Variants in ZFHX3 observed in about 807,000 individuals in gnomAD.
ZFHX3 encodes the protein zinc finger homeobox protein 3.
ZFHX3 carries 42 observed loss-of-function variants against 279.1 expected under a neutral mutation model. The observed-to-expected ratio is 0.15, with a 90% CI of 0.12 to 0.19. The LOEUF (loss-of-function observed/expected upper bound fraction) is 0.19. Ranked by LOEUF, ZFHX3 falls within the 10% of genes least tolerant of loss-of-function variation. The pLI is 1.00. For synonymous variants in ZFHX3, 2,293 were observed against 1,957.8 expected, an observed-to-expected ratio of 1.17 and a Z score of -4.52; for missense variants, 4,981 against 4,754.0, an observed-to-expected ratio of 1.05 and a Z score of -1.40.
rs577003787 is a variant in ZFHX3 at position 73,367,353 on chromosome 16, G to A, written c.-1290-49017C>T. Among the ~76,000 whole-genome samples the A allele has an allele frequency of 1.2e-3, 190 of 152,260 alleles. 1 individual carries two copies. Among genetic ancestry groups the A allele is most frequent in the African/African-American group, 4.3e-3 (180 of 41,562 alleles). The stretch of plus-strand genomic sequence containing the variant: ...ATATCAAGGTGGCACACTTCACAGC[G>A]TGGAGCAGGAAGAACAGTGTGCAAT... On this transcript the variant is annotated intron_variant, in intron 3 of 17. Coordinates refer to the ZFHX3 transcript ENST00000641206.
chr16:73,166,807 G>A (rs74645173), intron 5 of ZFHX3, among the ~76,000 whole-genome samples: 1 of 152,170 alleles, frequency 6.6e-6, no homozygotes, highest in Admixed American at 6.5e-5. Context: ...TTGTTATTAC[G>A]TTGCTTAAGT....
intron 3 of ZFHX3, among the ~76,000 whole-genome samples, chr16:73,440,918 T>C (rs2018081474): frequency 6.6e-6 from 1 of 152,228 alleles, no homozygotes. Flanking sequence ...AATAGATTCA[T>C]CTTTAGTCAC....
chr16:73,688,424 T>A (rs892172762), intron 1 of ZFHX3, among the ~76,000 whole-genome samples: 1 of 151,188 alleles, frequency 6.6e-6, no homozygotes, highest in African/African-American at 2.4e-5. Context: ...GGTGGAGCCA[T>A]TGAGAGGTGA....
At chr16:73,648,181 A>C (rs2052637952) in intron 2 of ZFHX3, among the ~76,000 whole-genome samples, 1 of 152,208 alleles carries the variant, frequency 6.6e-6, no homozygotes, top group African/African-American at 2.4e-5. Context: ...AATGTGCAGG[A>C]TATATCTATA....
At chr16:73,589,399 A>G (rs1364601069) in intron 2 of ZFHX3, among the ~76,000 whole-genome samples, 1 of 148,262 alleles carries the variant, frequency 6.7e-6, no homozygotes. Context: ...TCACACTACT[A>G]TACTCTAAAC....
At chr16:72,969,899 G>C (rs1219979377) in intron 1 of ZFHX3, among the ~76,000 whole-genome samples, 1 of 152,208 alleles carries the variant, frequency 6.6e-6, no homozygotes, top group East Asian at 1.9e-4. Flanking sequence ...TGCAAGTGTG[G>C]CCAGGTCGGA....
intron 1 of ZFHX3, among the ~76,000 whole-genome samples, chr16:72,969,141 C>T (rs1171793494): frequency 6.6e-6 from 1 of 152,102 alleles, no homozygotes; most frequent in Non-Finnish European, 1.5e-5. Flanking sequence ...CCCCCCAAAA[C>T]TATAAACGAA....
rs1393465163 is a variant in ZFHX3, at chr16:73,115,943, G to A, written c.-897+15025C>T. Among the ~76,000 whole-genome samples, 4 of 152,176 alleles carry A rather than the reference G, an allele frequency of 2.6e-5. No homozygotes were observed. In the East Asian group the frequency reaches 7.7e-4, roughly 29 times the overall value. On this transcript the variant is annotated intron_variant, in intron 7 of 17. Coordinates refer to the ZFHX3 transcript ENST00000641206. The stretch of plus-strand genomic sequence containing the variant: ...AGAACAGCCTGACCAACATCATGGA[G>A]AAACCCCGTCTCTGTTAAAATACAA...
chr16:73,551,436 G>GT (rs2020203297), intron 2 of ZFHX3, among the ~76,000 whole-genome samples: 1 of 152,132 alleles, frequency 6.6e-6, no homozygotes, highest in African/African-American at 2.4e-5. Context: ...AGATAATCTA[G>GT]TTACCAAACT....
At chr16:73,756,063 G>T (rs1223058086) in intron 1 of ZFHX3, among the ~76,000 whole-genome samples, 1 of 151,420 alleles carries the variant, frequency 6.6e-6, no homozygotes. Flanking sequence ...TTCCTCCATG[G>T]CTGACTTTCT....
intron 2 of ZFHX3, among the ~76,000 whole-genome samples, chr16:73,516,179 T>A (rs2019518092): frequency 6.6e-6 from 1 of 152,200 alleles, no homozygotes; most frequent in African/African-American, 2.4e-5. Context: ...TAACGCTAAG[T>A]ATAATCACTG....
intron 3 of ZFHX3, among the ~76,000 whole-genome samples, chr16:73,407,620 A>G (rs1218127578): frequency 6.6e-6 from 1 of 152,166 alleles, no homozygotes; most frequent in Non-Finnish European, 1.5e-5. Flanking sequence ...CCCACCTCCT[A>G]GGCTGGTGTT....
At chr16:73,439,216 C>T (rs1033115459) in intron 3 of ZFHX3, among the ~76,000 whole-genome samples, 1 of 152,126 alleles carries the variant, frequency 6.6e-6, no homozygotes, top group African/African-American at 2.4e-5. Context: ...AAGAGTCAGC[C>T]GGCAGAAGGG....
At chr16:73,630,868 AG>A (rs1225807227) in intron 2 of ZFHX3, among the ~76,000 whole-genome samples, 1 of 152,228 alleles carries the variant, frequency 6.6e-6, no homozygotes, top group Non-Finnish European at 1.5e-5. Flanking sequence ...GAGAAAGGGT[AG>A]CTATGCAATC....
chr16:73,811,667 G>A (rs1266032054), intron 1 of ZFHX3, among the ~76,000 whole-genome samples: 5 of 151,880 alleles, frequency 3.3e-5, no homozygotes, highest in East Asian at 1.9e-4. Context: ...GGCTGGTCTC[G>A]AACTCCTCAC....
intron 3 of ZFHX3, among the ~76,000 whole-genome samples, chr16:73,445,745 G>C (rs563980493): frequency 6.6e-6 from 1 of 152,290 alleles, no homozygotes; most frequent in South Asian, 2.1e-4. Flanking sequence ...TGCACTGCCT[G>C]TGCCTGCGGT....
At chr16:72,862,455 T>C (rs1437377255) in intron 4 of ZFHX3, among the ~76,000 whole-genome samples, 1 of 152,228 alleles carries the variant, frequency 6.6e-6, no homozygotes, top group Non-Finnish European at 1.5e-5. Flanking sequence ...AGGAAAGCTT[T>C]CCCTTGATAA....
chr16:73,412,110 G>C (rs909773431), intron 3 of ZFHX3, among the ~76,000 whole-genome samples: 4 of 151,998 alleles, frequency 2.6e-5, no homozygotes, highest in African/African-American at 4.8e-5. Context: ...TGGATCACTT[G>C]AGCCCAGGAG....
intron 3 of ZFHX3, among the ~76,000 whole-genome samples, chr16:72,900,579 G>A (rs149214916): frequency 1.2e-4 from 19 of 152,286 alleles, no homozygotes; most frequent in African/African-American, 3.9e-4. Context: ...ATGTTGCTTC[G>A]TCGCTTCTGA....
Sources: allele counts gnomAD v4.1 joint callset (sites outside exome capture counted in the v4.1 genomes callset), GRCh38; gene constraint gnomAD v4.1.1; transcripts MANE v1.5; gene names NCBI Gene and HGNC (gene_info 2026-07-23, HGNC 2026-07-21).